MED17: variants seen among roughly 807,000 people sequenced by gnomAD.
MED17 encodes the protein mediator of RNA polymerase II transcription subunit 17.
MED17 carries 49 observed loss-of-function variants against 80.8 expected under a neutral mutation model. That is an observed-to-expected ratio of 0.61 (90% CI 0.48 to 0.77). The LOEUF (loss-of-function observed/expected upper bound fraction) is 0.77, where lower values mean the gene tolerates loss of function less well. MED17 is among the 30% of genes least tolerant of loss of function. MED17 has a pLI of 0.00. For missense variants in MED17, 718 were observed against 787.0 expected, an observed-to-expected ratio of 0.91 and a Z score of 1.05; for synonymous variants, 281 against 280.4, an observed-to-expected ratio of 1.00 and a Z score of -0.02.
chr11:93,807,431 TC>T (rs1227465381), intron 9 of MED17, 86 bp from the exon 10 acceptor site: 1 of 837,040 alleles, frequency 1.2e-6, no homozygotes, highest in Non-Finnish European at 2.1e-6. Flanking sequence ...AATAATATTT[TC>T]TAATTTGATG....
Position 93,811,857 on chromosome 11 carries a change from T to C in MED17, c.1749T>C (p.Arg583=). The C allele has an allele frequency of 1.2e-6, 2 of 1,614,110 alleles. No individual in the cohort carries two copies. The highest frequency in any genetic ancestry group is 1.7e-6 in the Non-Finnish European group (2 of 1,179,988). The change falls in exon 12 of 12, where the codon CGT becomes CGC. Residue 583 remains arginine, a synonymous_variant. Coordinates refer to ENST00000251871, the MANE Select transcript of MED17 (RefSeq NM_004268.5). ...SPSGDYAISV[R]NGPESGSKIM... is the part of the protein sequence containing the mutation. ...TATTTTGGTTTTTCTCCACAGTTCG[T>C]AATGGACCTGAAAGTGGCAGCAAGA...
Position 93,784,694 on chromosome 11 carries a change from G to A in MED17, c.181G>A (p.Ala61Thr), listed in dbSNP as rs1264041443. The change falls in exon 1 of 12, where the codon GCG becomes ACG. Residue 61 changes from alanine (A) to threonine (T), a missense_variant. Ala to Thr is a moderately conservative substitution (Grantham distance 58, BLOSUM62 0). Coordinates refer to ENST00000251871, the MANE Select transcript of MED17 (RefSeq NM_004268.5). ...TTCGGGCTCCGAGGAGGAGGAGGCG[G>A]CGGGGACCGAGGGCGACGCGCAGGA... Reference protein sequence around the residue: ...QGSGSEEEEAAGTEGDAQEWP... With the variant: ...QGSGSEEEEATGTEGDAQEWP... The A allele has an allele frequency of 6.4e-7, 1 of 1,553,866 alleles. No homozygotes were observed.
At chr11:93,804,020 TATATATACACAC>T (rs372751906) in intron 9 of MED17, among the ~76,000 whole-genome samples, 4,699 of 20,990 alleles carry the variant, frequency 0.22, 149 homozygotes, top group South Asian at 0.35. Flanking sequence ...TATATATATA[TATATATACACAC>T]ACACATATAC....
intron 9 of MED17, among the ~76,000 whole-genome samples, chr11:93,804,037 ATATACACACG>A (rs1417902940): frequency 9.1e-4 from 83 of 91,136 alleles, no homozygotes; most frequent in Middle Eastern, 0.011. Flanking sequence ...ACACACACAC[ATATACACACG>A]CACACACACA....
At chr11:93,802,025 G>A (rs1943968711) in intron 9 of MED17, 53 bp downstream of exon 9, 2 of 1,500,792 alleles carry the variant, frequency 1.3e-6, no homozygotes, top group Non-Finnish European at 1.8e-6. Flanking sequence ...TGCTATTGAT[G>A]TTTGCTGAGT....
chr11:93,795,989 C>T (rs1943895707), intron 6 of MED17: 1 of 158,116 alleles, frequency 6.3e-6, no homozygotes, highest in Non-Finnish European at 1.4e-5. Context: ...GTTTTGTTGT[C>T]CAGGCTGGAG....
rs555205388 is a variant in MED17 at position 93,794,484 on chromosome 11, A to G, written c.860-424A>G. The G allele has an allele frequency of 8.9e-5, 23 of 257,634 alleles. No individual in the cohort carries two copies. In the South Asian group the frequency reaches 1.0e-3, roughly 12 times the overall value. The allele number at this position is 257,634 out of a possible 1,614,324, so 16.0% of individuals were successfully genotyped here. On this transcript the variant is annotated intron_variant, in intron 5 of 11. Transcript: ENST00000251871. The stretch of plus-strand genomic sequence containing the variant: ...CTCCCAAAGTGCTAGGATTACAGGC[A>G]TGAGCCACCAGCACCTTTTTTTAAG...
chr11:93,801,491 GT>G, intron 8 of MED17: 1 of 305,280 alleles, frequency 3.3e-6, no homozygotes, highest in South Asian at 3.3e-5. Context: ...TTTATATTAG[GT>G]TTATACCGTA....
In MED17 at chr11:93,812,549, C is replaced by T. The variant is rs921825121; in HGVS notation, c.*485C>T. On this transcript the variant is annotated 3_prime_UTR_variant, in exon 12 of 12. Transcript: ENST00000251871. Reference sequence around the variant, plus strand: ...GACCTCCCAGGCTTAGGTGATCCTTCTGTCTCAGCCTTCCGAGTAGCTGGG... The same window carrying T: ...GACCTCCCAGGCTTAGGTGATCCTTTTGTCTCAGCCTTCCGAGTAGCTGGG... 1.1e-5 allele frequency: 2 copies of T among 181,170 alleles called. No individual in the cohort carries two copies. The highest frequency in any genetic ancestry group is 5.9e-5 in the Admixed American group (1 of 17,076). 11.2% of individuals were successfully genotyped at this position (181,170 alleles called of 1,614,324 possible).
chr11:93,805,545 C>T (rs1944014234), intron 9 of MED17, among the ~76,000 whole-genome samples: 1 of 152,090 alleles, frequency 6.6e-6, no homozygotes, highest in African/African-American at 2.4e-5. Context: ...TGTGCCACTG[C>T]CCTCCAGCCT....
chr11:93,784,304 CGAG>C lies in MED17; in HGVS notation c.-205_-203del. On this transcript the variant is annotated 5_prime_UTR_variant, in exon 1 of 12. Coordinates refer to ENST00000251871, the MANE Select transcript of MED17 (RefSeq NM_004268.5). ...CCCAGTTTTGCTCCGAAAGACTTAC[CGAG>C]GAGGGAGCTTGCGGTGCGTTCTGGG... The C allele has an allele frequency of 1.5e-6, 1 of 651,806 alleles. No homozygotes were observed. The highest frequency in any genetic ancestry group is 3.2e-5 in the Admixed American group (1 of 31,308). The allele number at this position is 651,806 out of a possible 1,614,324, so 40.4% of individuals were successfully genotyped here.
intron 10 of MED17, 120 bp downstream of exon 10, chr11:93,807,755 G>T (rs1255387010): frequency 6.6e-6 from 5 of 759,468 alleles, no homozygotes; most frequent in African/African-American, 1.7e-5. Context: ...TTTTTTTCCA[G>T]TAGAAATTAA....
chr11:93,791,025 T>C (rs1246725680), intron 3 of MED17, among the ~76,000 whole-genome samples: 1 of 152,208 alleles, frequency 6.6e-6, no homozygotes, highest in Non-Finnish European at 1.5e-5. Flanking sequence ...TGAGAATTGC[T>C]TGAACCCAGG....
chr11:93,791,805 C>G (rs573535404), intron 3 of MED17, among the ~76,000 whole-genome samples: 1 of 152,098 alleles, frequency 6.6e-6, no homozygotes, highest in South Asian at 2.1e-4. Flanking sequence ...AGGAAAGAAA[C>G]TTTCTATTCT....
intron 1 of MED17, 104 bp from the exon 2 acceptor site, chr11:93,787,893 TTTAA>T (rs1282980683): frequency 4.2e-6 from 4 of 954,780 alleles, no homozygotes; most frequent in Non-Finnish European, 5.0e-6. Flanking sequence ...CAATTTGAAA[TTTAA>T]TTAATTATTT....
intron 2 of MED17, 84 bp from the exon 3 acceptor site, chr11:93,790,485 GTTCAC>G (rs1426841248): frequency 4.1e-6 from 5 of 1,208,340 alleles, no homozygotes; most frequent in East Asian, 2.3e-5. Flanking sequence ...TTTGCTTTTT[GTTCAC>G]TTCATTTTAT....
At chr11:93,784,855 C>A in intron 1 of MED17, 92 bp downstream of exon 1, 6 of 1,488,040 alleles carry the variant, frequency 4.0e-6, no homozygotes, top group Non-Finnish European at 5.4e-6. Flanking sequence ...TGATCTTGTG[C>A]GTGCGAGAAC....
rs762487787 is a variant in MED17, at chr11:93,809,736, A to G, written c.1604A>G (p.His535Arg). The G allele has an allele frequency of 6.2e-7, 1 of 1,614,190 alleles. No homozygotes were observed. The highest frequency in any genetic ancestry group is 8.5e-7 in the Non-Finnish European group (1 of 1,180,022). The change falls in exon 11 of 12, where the codon CAT (histidine) becomes CGT (arginine). Residue 535 changes from histidine (H) to arginine (R), a missense_variant. Physicochemically the swap from His to Arg is conservative, Grantham distance 29. Coordinates refer to ENST00000251871, the MANE Select transcript of MED17 (RefSeq NM_004268.5). ...TCACAGATGTCACAGCACCAGGTAC[A>G]TGCAGTTCAGCAACTCGCCAAGGTT... ...LLSQMSQHQV[H>R]AVQQLAKVMG...
At chr11:93,789,163 C>T (rs767605618) in intron 2 of MED17, 1 of 152,138 alleles carries the variant, frequency 6.6e-6, no homozygotes, top group Non-Finnish European at 1.5e-5. Context: ...TGTTAGAACC[C>T]ATTTGTAAAT....
Sources: gnomAD v4.1 joint callset for allele counts (sites outside exome capture counted in the v4.1 genomes callset) on GRCh38, gnomAD v4.1.1 for gene constraint, MANE v1.5 for transcripts, NCBI Gene and HGNC (gene_info 2026-07-23, HGNC 2026-07-21) for gene names.